Variants in NKAIN3 observed in about 807,000 individuals in gnomAD.
NKAIN3 encodes the protein sodium/potassium transporting ATPase interacting 3.
A neutral mutation model predicts 30.2 loss-of-function variants in NKAIN3; 25 were observed. That is an observed-to-expected ratio of 0.83 (90% CI 0.60 to 1.16). NKAIN3 has a LOEUF of 1.16. NKAIN3 is among the 50% of genes most tolerant of loss of function. The pLI, the probability that NKAIN3 is intolerant of heterozygous loss-of-function variation, is 0.00. For synonymous variants in NKAIN3, 91 were observed against 89.6 expected, an observed-to-expected ratio of 1.02 and a Z score of -0.09; for missense variants, 225 against 254.1, an observed-to-expected ratio of 0.89 and a Z score of 0.78.
At chr8:62,322,977 A>C (rs1450653781) in intron 1 of NKAIN3, among the ~76,000 whole-genome samples, 3 of 152,226 alleles carry the variant, frequency 2.0e-5, no homozygotes, top group Non-Finnish European at 4.4e-5. Flanking sequence ...TAAAACAAAG[A>C]GATATCATTG....
intron 5 of NKAIN3, among the ~76,000 whole-genome samples, chr8:62,926,854 C>A (rs773433114): frequency 4.6e-5 from 7 of 152,148 alleles, no homozygotes; most frequent in Non-Finnish European, 8.8e-5. Flanking sequence ...CATTTTGTCC[C>A]GTGGCTTTTG....
At chr8:62,749,462 G>T (rs1386373890) in intron 4 of NKAIN3, among the ~76,000 whole-genome samples, 1 of 152,126 alleles carries the variant, frequency 6.6e-6, no homozygotes, top group Non-Finnish European at 1.5e-5. Context: ...AGAAATAAAA[G>T]ATTAGTTGCT....
chr8:62,428,164 T>A (rs1804874228), intron 1 of NKAIN3, among the ~76,000 whole-genome samples: 1 of 151,926 alleles, frequency 6.6e-6, no homozygotes, highest in Admixed American at 6.6e-5. Context: ...TGCTGCAAAT[T>A]ATAGGATTTC....
At chr8:62,350,066 G>A (rs1252115579) in intron 1 of NKAIN3, among the ~76,000 whole-genome samples, 1 of 152,188 alleles carries the variant, frequency 6.6e-6, no homozygotes. Context: ...CTGTATGGCA[G>A]TTCTTCAAAA....
chr8:62,650,544 T>G (rs1406693400), intron 3 of NKAIN3, among the ~76,000 whole-genome samples: 1 of 152,200 alleles, frequency 6.6e-6, no homozygotes, highest in Non-Finnish European at 1.5e-5. Context: ...TCTATTCTTC[T>G]CGATTGTACA....
chr8:62,640,787 C>G (rs1349523041), intron 3 of NKAIN3, among the ~76,000 whole-genome samples: 1 of 152,092 alleles, frequency 6.6e-6, no homozygotes, highest in Non-Finnish European at 1.5e-5. Flanking sequence ...TCTCCATCTA[C>G]TCAAATATGT....
At chr8:62,348,562 C>G (rs988028474) in intron 1 of NKAIN3, among the ~76,000 whole-genome samples, 1 of 152,166 alleles carries the variant, frequency 6.6e-6, no homozygotes, top group African/African-American at 2.4e-5. Flanking sequence ...TTTCTGGCTT[C>G]TAAAGTATCT....
chr8:62,444,101 C>T (rs553365653), intron 1 of NKAIN3, among the ~76,000 whole-genome samples: 2 of 152,032 alleles, frequency 1.3e-5, no homozygotes, highest in South Asian at 4.2e-4. Context: ...TTTATAATGC[C>T]TTTTTATTGA....
chr8:62,430,246 A>G (rs145286338), intron 1 of NKAIN3, among the ~76,000 whole-genome samples: 248 of 151,834 alleles, frequency 1.6e-3, no homozygotes, highest in African/African-American at 5.8e-3. Context: ...TTATACATTC[A>G]TCTATTGATG....
intron 1 of NKAIN3, among the ~76,000 whole-genome samples, chr8:62,360,606 G>A (rs1475293640): frequency 6.6e-6 from 1 of 152,128 alleles, no homozygotes; most frequent in African/African-American, 2.4e-5. Flanking sequence ...GTTGTTTTGA[G>A]GTGGACAGTT....
intron 1 of NKAIN3, among the ~76,000 whole-genome samples, chr8:62,502,018 T>G (rs183403703): frequency 6.6e-6 from 1 of 152,318 alleles, no homozygotes; most frequent in African/African-American, 2.4e-5. Context: ...GCCAGAGAGC[T>G]GCCCACCATG....
intron 1 of NKAIN3, among the ~76,000 whole-genome samples, chr8:62,533,436 G>A (rs762770354): frequency 1.3e-5 from 2 of 152,190 alleles, no homozygotes; most frequent in African/African-American, 2.4e-5. Context: ...GTATAGTTTC[G>A]CCTGAAGCGG....
At chr8:62,904,266 A>G (rs765153124) in intron 4 of NKAIN3, among the ~76,000 whole-genome samples, 1 of 152,162 alleles carries the variant, frequency 6.6e-6, no homozygotes. Context: ...GTCTTATCCT[A>G]TCATATTATT....
At chr8:62,545,916 T>C (rs937863227) in intron 1 of NKAIN3, among the ~76,000 whole-genome samples, 3 of 152,236 alleles carry the variant, frequency 2.0e-5, no homozygotes, top group Non-Finnish European at 4.4e-5. Flanking sequence ...CACAAAAATA[T>C]ATAAACATGC....
intron 3 of NKAIN3, among the ~76,000 whole-genome samples, chr8:62,680,543 T>C (rs934986873): frequency 6.6e-6 from 1 of 152,334 alleles, no homozygotes; most frequent in Non-Finnish European, 1.5e-5. Flanking sequence ...TATTAAAATG[T>C]CAAGATACTG....
In NKAIN3 at chr8:62,670,879, G is replaced by GCACACACACA. The variant is rs57917158; in HGVS notation, c.274-76021_274-76012dup. Among the ~76,000 whole-genome samples, 374 of 142,076 alleles carry GCACACACACA rather than the reference G, an allele frequency of 2.6e-3. 2 individuals carry two copies. Among genetic ancestry groups the GCACACACACA allele is most frequent in the African/African-American group, 7.9e-3 (307 of 38,798 alleles). The allele number at this position is 142,076 out of a possible 152,430, so 93.2% of individuals were successfully genotyped here. ...TTCCTATTTTTATGTACACATACAAGCACACACACACACACACACACACAC... is the reference window on the plus strand; with the variant it reads ...TTCCTATTTTTATGTACACATACAAGCACACACACACACACACACACACACACACACACAC... On this transcript the variant is annotated intron_variant, in intron 3 of 6. Coordinates refer to ENST00000623646, the MANE Select transcript of NKAIN3 (RefSeq NM_001304533.3).
chr8:62,894,321 GA>G (rs1403709727), intron 4 of NKAIN3, among the ~76,000 whole-genome samples: 1 of 152,076 alleles, frequency 6.6e-6, no homozygotes, highest in Non-Finnish European at 1.5e-5. Context: ...TTAGTGAAAA[GA>G]AAATATCACT....
At chr8:62,710,902 C>T (rs1814694550) in intron 3 of NKAIN3, among the ~76,000 whole-genome samples, 1 of 152,024 alleles carries the variant, frequency 6.6e-6, no homozygotes, top group African/African-American at 2.4e-5. Flanking sequence ...AAGATTTGTT[C>T]CTTTCAGCAG....
intron 3 of NKAIN3, among the ~76,000 whole-genome samples, chr8:62,672,018 A>G (rs1234040333): frequency 6.6e-6 from 1 of 152,004 alleles, no homozygotes; most frequent in Admixed American, 6.6e-5. Flanking sequence ...TGTGTAGGTC[A>G]TGTGTCCCAT....
Sources: allele counts gnomAD v4.1 joint callset (sites outside exome capture counted in the v4.1 genomes callset), GRCh38; gene constraint gnomAD v4.1.1; transcripts MANE v1.5; gene names NCBI Gene and HGNC (gene_info 2026-07-23, HGNC 2026-07-21).